Variants in DPH3 observed in about 807,000 individuals in gnomAD.
DPH3 encodes the protein diphthamide biosynthesis 3.
Under a neutral mutation model 10.2 loss-of-function variants are expected in DPH3, and 8 were observed. That is an observed-to-expected ratio of 0.79 (90% CI 0.46 to 1.42). The LOEUF (loss-of-function observed/expected upper bound fraction) is 1.42, where lower values mean the gene tolerates loss of function less well. DPH3 is among the 40% of genes most tolerant of loss of function. The pLI, the probability that DPH3 is intolerant of heterozygous loss-of-function variation, is 0.00. For missense variants in DPH3, 96 were observed against 98.9 expected (o/e 0.97, Z 0.12); for synonymous variants, 35 against 35.6 (o/e 0.98, Z 0.06).
chr3:16,260,675 G>T lies in DPH3; in HGVS notation c.*89C>A. ...CTTACAGAACAGCAAATCATAAATG[G>T]TTGTCTCTGTGAAGCCAGTAGCTTT... is the stretch of plus-strand genomic sequence containing the variant. On this transcript the variant is annotated 3_prime_UTR_variant, in exon 3 of 3. Transcript: ENST00000488423. 1.7e-6 allele frequency: 2 copies of T among 1,150,594 alleles called. No homozygotes were observed. The highest frequency in any genetic ancestry group is 2.5e-6 in the Non-Finnish European group (2 of 785,972). 71.3% of individuals were successfully genotyped at this position (1,150,594 alleles called of 1,614,324 possible). A position where few individuals can be genotyped will look rare whatever the true frequency, so the allele number is the denominator to read the frequency against.
At position 16,263,274 on chromosome 3, in the gene DPH3, ACT is replaced by A. The variant is rs1363595417; in HGVS notation, c.183+879_183+880del. Among the ~76,000 whole-genome samples, 7 of 151,400 alleles carry A rather than the reference ACT, an allele frequency of 4.6e-5. No individual in the cohort carries two copies. Among genetic ancestry groups the A allele is most frequent in the African/African-American group, 1.7e-4 (7 of 41,108 alleles). The stretch of plus-strand genomic sequence containing the variant: ...CCTTCACTGAACGATCCTTTGCTCG[ACT>A]CTCTTACCTCATACCCTCATATGTA... On this transcript the variant is annotated intron_variant, in intron 2 of 2. Coordinates refer to ENST00000488423, the MANE Select transcript of DPH3 (RefSeq NM_206831.3). The surrounding 1 kb of genome is among the most constrained non-coding windows in gnomAD (Gnocchi z 4.0).
In DPH3 at chr3:16,264,264, G is replaced by T. The variant is rs776370697; in HGVS notation, c.109-35C>A. 7 of 1,535,992 alleles carry T rather than the reference G, an allele frequency of 4.6e-6. No individual in the cohort carries two copies. In the African/African-American group the frequency reaches 9.6e-5, roughly 21 times the overall value. Reference sequence around the variant, plus strand: ...AATCAAATACCATGTGGTCAGGATAGCTTCTCTTCGCCATCTCCTCCCCCA... The same window carrying T: ...AATCAAATACCATGTGGTCAGGATATCTTCTCTTCGCCATCTCCTCCCCCA... On this transcript the variant is annotated intron_variant, in intron 1 of 2. Transcript: ENST00000488423.
At position 16,259,830 on chromosome 3, in the gene DPH3, C is replaced by T. The variant is rs2064280731; in HGVS notation, c.*934G>A. 1 of 152,208 alleles carries T rather than the reference C, an allele frequency of 6.6e-6. No homozygotes were observed. The highest frequency in any genetic ancestry group is 1.5e-5 in the Non-Finnish European group (1 of 68,026). 9.4% of individuals were successfully genotyped at this position (152,208 alleles called of 1,614,324 possible). On this transcript the variant is annotated 3_prime_UTR_variant, in exon 3 of 3. Coordinates refer to ENST00000488423, the MANE Select transcript of DPH3 (RefSeq NM_206831.3). ...ACAACACTGTGATATGCCAAAAGCACAGCTACCAGCCATGGAAATTTGACG... is the reference window on the plus strand; with the variant it reads ...ACAACACTGTGATATGCCAAAAGCATAGCTACCAGCCATGGAAATTTGACG...
intron 1 of DPH3, 150 bp downstream of exon 1, chr3:16,264,619 G>T (rs1048597784): frequency 4.0e-6 from 3 of 752,850 alleles, no homozygotes; most frequent in Non-Finnish European, 6.5e-6. Context: ...GCATTAGTTG[G>T]GGTGGGGGGA....
rs141908662 is a variant in DPH3, at chr3:16,261,326, G to A, written c.184-497C>T. The stretch of plus-strand genomic sequence containing the variant: ...TCTCTGGTCTTTTATCCTGGCTTAT[G>A]TCAGCTACCACCAAAAATCTCTGCT... On this transcript the variant is annotated intron_variant, in intron 2 of 2. Transcript: ENST00000488423. This position sits in a 1 kb window ranked among gnomAD's most constrained non-coding sequence, Gnocchi z 7.1. 9.3e-4 allele frequency among the ~76,000 whole-genome samples: 142 copies of A among 152,304 alleles called. No homozygotes were observed. Among genetic ancestry groups the A allele is most frequent in the African/African-American group, 3.3e-3 (138 of 41,568 alleles).
chr3:16,257,563 C>A lies in DPH3; in HGVS notation c.*3201G>T, dbSNP rs1314760962. 6.6e-6 allele frequency among the ~76,000 whole-genome samples: 1 copy of A among 152,210 alleles called. No individual in the cohort carries two copies. The highest frequency in any genetic ancestry group is 2.4e-5 in the African/African-American group (1 of 41,450). ...ACACAGCAACCCTGTCAAAGAGGTA[C>A]TATGATCCAGATTTCACAAACCAGA... On this transcript the variant is annotated 3_prime_UTR_variant, in exon 3 of 3. Transcript: ENST00000488423.
intron 1 of DPH3, 75 bp downstream of exon 1, chr3:16,264,694 C>A: frequency 7.0e-7 from 1 of 1,423,722 alleles, no homozygotes; most frequent in Non-Finnish European, 9.8e-7. Context: ...GCAAAGGCTA[C>A]CCAATGATGG....
In DPH3 at chr3:16,260,836, C is replaced by CAA; in HGVS notation, c.184-8_184-7insTT. 1 of 1,612,268 alleles carries CAA rather than the reference C, an allele frequency of 6.2e-7. No homozygotes were observed. Among genetic ancestry groups the CAA allele is most frequent in the Non-Finnish European group, 8.5e-7 (1 of 1,178,796 alleles). On this transcript the variant is annotated splice_polypyrimidine_tract_variant and splice_region_variant and intron_variant, in intron 2 of 2. Transcript: ENST00000488423. Reference sequence around the variant, plus strand: ...CTCCACACACAAACTGATCCTAAGACAGAGTGAGAAATGACATTAACCAAT... The same window carrying CAA: ...CTCCACACACAAACTGATCCTAAGACAAAGAGTGAGAAATGACATTAACCAAT...
chr3:16,260,625 G>GCAGTTGA lies in DPH3; in HGVS notation c.*132_*138dup, dbSNP rs2064286066. The GCAGTTGA allele has an allele frequency of 1.5e-6, 1 of 654,942 alleles. No homozygotes were observed. 40.6% of individuals were successfully genotyped at this position (654,942 alleles called of 1,614,324 possible). ...GACTTGCTTCCTGAAGATGATATCAGCAGTTGATAGAAAGAATCCACACTC... is the reference window on the plus strand; with the variant it reads ...GACTTGCTTCCTGAAGATGATATCAGCAGTTGACAGTTGATAGAAAGAATCCACACTC... On this transcript the variant is annotated 3_prime_UTR_variant, in exon 3 of 3. Coordinates refer to ENST00000488423, the MANE Select transcript of DPH3 (RefSeq NM_206831.3).
intron 1 of DPH3, 70 bp from the exon 2 acceptor site, chr3:16,264,299 C>T (rs1229976284): frequency 4.7e-6 from 6 of 1,278,480 alleles, no homozygotes; most frequent in African/African-American, 1.5e-5. Context: ...AAACCTATCC[C>T]ACCCCTAGAT....
In DPH3 at chr3:16,260,462, G is replaced by A. The variant is rs1694171868; in HGVS notation, c.*302C>T. 3.3e-6 allele frequency: 1 copy of A among 301,556 alleles called. No individual in the cohort carries two copies. The highest frequency in any genetic ancestry group is 2.1e-5 in the African/African-American group (1 of 47,008). The allele number at this position is 301,556 out of a possible 1,614,324, so 18.7% of individuals were successfully genotyped here. A position where few individuals can be genotyped will look rare whatever the true frequency, so the allele number is the denominator to read the frequency against. On this transcript the variant is annotated 3_prime_UTR_variant, in exon 3 of 3. Coordinates refer to ENST00000488423, the MANE Select transcript of DPH3 (RefSeq NM_206831.3). ...CTGTTGTCAGATACCGAAGTAATTT[G>A]GTTTAAGATATGAAAATGATGAAAC...
At chr3:16,264,565 C>T in intron 1 of DPH3, 1 of 607,868 alleles carries the variant, frequency 1.6e-6, no homozygotes, top group South Asian at 2.0e-5. Flanking sequence ...CTCTCCCTGA[C>T]CTAATCTAAG....
rs904648753 is a variant in DPH3, at chr3:16,263,056, A to G, written c.183+1099T>C. ...ACACAGCAGCCAGAATCATTTTTTA[A>G]AAAACTTAAGTTGGATCATAGCACT... On this transcript the variant is annotated intron_variant, in intron 2 of 2. Transcript: ENST00000488423. This position sits in a 1 kb window ranked among gnomAD's most constrained non-coding sequence, Gnocchi z 4.0. 2.0e-5 allele frequency among the ~76,000 whole-genome samples: 3 copies of G among 152,088 alleles called. No individual in the cohort carries two copies. The highest frequency in any genetic ancestry group is 4.4e-5 in the Non-Finnish European group (3 of 67,994).
chr3:16,264,894 G>T lies in DPH3; in HGVS notation c.-18C>A, dbSNP rs200031105. ...ACTGCCATGGTCAGCGGGGGTGGCC[G>T]AAGGGGTAACGCCCCAGCAGTCCGA... On this transcript the variant is annotated 5_prime_UTR_variant, in exon 1 of 3. Transcript: ENST00000488423. 22 of 1,613,502 alleles carry T rather than the reference G, an allele frequency of 1.4e-5. No individual in the cohort carries two copies. Among genetic ancestry groups the T allele is most frequent in the South Asian group, 2.2e-5 (2 of 91,034 alleles).
rs1188221073 is a variant in DPH3, at chr3:16,264,922, C to T, written c.-46G>A. 2 of 1,604,466 alleles carry T rather than the reference C, an allele frequency of 1.2e-6. No individual in the cohort carries two copies. Among genetic ancestry groups the T allele is most frequent in the Non-Finnish European group, 1.7e-6 (2 of 1,172,684 alleles). ...GGGGTAACGCCCCAGCAGTCCGAGG[C>T]CAGCTCCGAGGGTTTAACTTCGCCG... On this transcript the variant is annotated 5_prime_UTR_variant, in exon 1 of 3. Coordinates refer to ENST00000488423, the MANE Select transcript of DPH3 (RefSeq NM_206831.3).
At position 16,257,769 on chromosome 3, in the gene DPH3, C is replaced by T. The variant is rs189129906; in HGVS notation, c.*2995G>A. 2.0e-5 allele frequency among the ~76,000 whole-genome samples: 3 copies of T among 152,210 alleles called. No individual in the cohort carries two copies. Among genetic ancestry groups the T allele is most frequent in the Non-Finnish European group, 4.4e-5 (3 of 68,036 alleles). Reference sequence around the variant, plus strand: ...TAAGAATGTCAACTTTGTCTTACTACCACTTGACTCAGTTATTTTTTTCCC... The same window carrying T: ...TAAGAATGTCAACTTTGTCTTACTATCACTTGACTCAGTTATTTTTTTCCC... On this transcript the variant is annotated 3_prime_UTR_variant, in exon 3 of 3. Coordinates refer to ENST00000488423, the MANE Select transcript of DPH3 (RefSeq NM_206831.3).
intron 1 of DPH3, 48 bp downstream of exon 1, chr3:16,264,721 C>G (rs1484862265): frequency 3.8e-6 from 6 of 1,586,046 alleles, no homozygotes; most frequent in Non-Finnish European, 5.2e-6. Context: ...CGGGCGGAAC[C>G]AAACTGCGCT....
rs1269179744 is a variant in DPH3 at position 16,260,187 on chromosome 3, ACT to A, written c.*575_*576del. On this transcript the variant is annotated 3_prime_UTR_variant, in exon 3 of 3. Transcript: ENST00000488423. ...ATTTTCTCTTTAATACTATGACCAA[ACT>A]CTCTGCATGAAGCATTACAGAAATG... 1 of 152,284 alleles carries A rather than the reference ACT, an allele frequency of 6.6e-6. No individual in the cohort carries two copies. The highest frequency in any genetic ancestry group is 1.5e-5 in the Non-Finnish European group (1 of 68,128). 9.4% of individuals were successfully genotyped at this position (152,284 alleles called of 1,614,324 possible). A position where few individuals can be genotyped will look rare whatever the true frequency, so the allele number is the denominator to read the frequency against.
chr3:16,262,702 T>G lies in DPH3; in HGVS notation c.183+1453A>C, dbSNP rs1467194766. 6.6e-6 allele frequency among the ~76,000 whole-genome samples: 1 copy of G among 152,194 alleles called. No homozygotes were observed. The highest frequency in any genetic ancestry group is 1.5e-5 in the Non-Finnish European group (1 of 68,028). ...TGAACGCCAGACATGCATATCCAAT[T>G]GCCTTCTCAACAGCTCAACTTGGAT... On this transcript the variant is annotated intron_variant, in intron 2 of 2. Coordinates refer to ENST00000488423, the MANE Select transcript of DPH3 (RefSeq NM_206831.3). The surrounding 1 kb of genome is among the most constrained non-coding windows in gnomAD (Gnocchi z 4.7).
Sources: allele counts gnomAD v4.1 joint callset (sites outside exome capture counted in the v4.1 genomes callset), GRCh38; gene constraint gnomAD v4.1.1; non-coding constraint Gnocchi (gnomAD v3.1); transcripts MANE v1.5; gene names NCBI Gene and HGNC (gene_info 2026-07-23, HGNC 2026-07-21).